Variants in PTPRN2 observed in about 807,000 individuals in gnomAD.
PTPRN2 encodes the protein protein tyrosine phosphatase receptor type N2, also known as receptor-type tyrosine-protein phosphatase N2.
A neutral mutation model predicts 118.8 loss-of-function variants in PTPRN2; 74 were observed. That is an observed-to-expected ratio of 0.62 (90% CI 0.52 to 0.76). The LOEUF (loss-of-function observed/expected upper bound fraction) is 0.76. Among genes scored for constraint, PTPRN2 ranks in the 30% least tolerant of loss-of-function variants. The pLI, the probability that PTPRN2 is intolerant of heterozygous loss-of-function variation, is 0.00. For missense variants in PTPRN2, 1,481 were observed against 1,394.4 expected (o/e 1.06, Z -0.99); for synonymous variants, 641 against 608.0 (o/e 1.05, Z -0.80).
intron 12 of PTPRN2, among the ~76,000 whole-genome samples, chr7:157,875,127 A>C (rs927370818): frequency 6.6e-6 from 1 of 152,184 alleles, no homozygotes; most frequent in Non-Finnish European, 1.5e-5. Context: ...ACAGCCGTAC[A>C]GGAAGTATGT....
intron 12 of PTPRN2, among the ~76,000 whole-genome samples, chr7:157,803,529 T>C (rs1805447394): frequency 6.6e-6 from 1 of 152,232 alleles, no homozygotes; most frequent in African/African-American, 2.4e-5. Context: ...GTCATCATGC[T>C]TCCCCCGTGT....
At chr7:157,968,717 G>T (rs1006316324) in intron 11 of PTPRN2, among the ~76,000 whole-genome samples, 1 of 152,104 alleles carries the variant, frequency 6.6e-6, no homozygotes, top group Non-Finnish European at 1.5e-5. Flanking sequence ...CAGCCTAGAA[G>T]GGTTTGTGTT....
chr7:158,540,676 C>T lies in PTPRN2; in HGVS notation c.112+46882G>A, dbSNP rs1001580687. On this transcript the variant is annotated intron_variant, in intron 1 of 22. Coordinates refer to ENST00000389418, the MANE Select transcript of PTPRN2 (RefSeq NM_002847.5). ...CTGGGGCTTCGGGCAGGGGTGGGGT[C>T]GCCCCAGGGCCCACCGTGTGTGTCT... is the stretch of plus-strand genomic sequence containing the variant. Among the ~76,000 whole-genome samples, 3 of 152,278 alleles carry T rather than the reference C, an allele frequency of 2.0e-5. No homozygotes were observed. In the South Asian group the frequency reaches 6.2e-4, roughly 32 times the overall value.
At chr7:157,685,010 G>A (rs1417694331) in intron 12 of PTPRN2, among the ~76,000 whole-genome samples, 2 of 151,898 alleles carry the variant, frequency 1.3e-5, no homozygotes, top group Non-Finnish European at 2.9e-5. Context: ...CTGCGGGGCC[G>A]CGTCCCCCGG....
At chr7:158,106,566 G>A (rs1470377358) in intron 10 of PTPRN2, among the ~76,000 whole-genome samples, 1 of 152,146 alleles carries the variant, frequency 6.6e-6, no homozygotes, top group Non-Finnish European at 1.5e-5. Flanking sequence ...GCCACTTTGG[G>A]AATATCCAAA....
intron 1 of PTPRN2, 141 bp from the exon 2 acceptor site, chr7:158,489,926 G>A (rs1297085897): frequency 7.6e-6 from 6 of 788,262 alleles, no homozygotes; most frequent in Non-Finnish European, 1.2e-5. Context: ...TCCGAGATGG[G>A]GCCGATTATT....
At chr7:158,290,701 T>C (rs967045036) in intron 3 of PTPRN2, among the ~76,000 whole-genome samples, 2 of 152,218 alleles carry the variant, frequency 1.3e-5, no homozygotes, top group African/African-American at 4.8e-5. Flanking sequence ...CTGCTAGGCC[T>C]GGGTGAGAGG....
chr7:158,270,480 A>C (rs1008577373), intron 3 of PTPRN2, among the ~76,000 whole-genome samples: 2 of 152,068 alleles, frequency 1.3e-5, no homozygotes, highest in African/African-American at 4.8e-5. Flanking sequence ...AGCCTCACTC[A>C]CTGGCCATAA....
At chr7:158,473,679 A>G (rs1213246086) in intron 2 of PTPRN2, among the ~76,000 whole-genome samples, 1 of 152,210 alleles carries the variant, frequency 6.6e-6, no homozygotes. Context: ...GAAAATCTAG[A>G]GTGATCTGAA....
chr7:158,148,617 TC>T (rs1820472625), intron 6 of PTPRN2, among the ~76,000 whole-genome samples: 1 of 133,454 alleles, frequency 7.5e-6, no homozygotes, highest in Admixed American at 7.4e-5. Context: ...CACGTGTCTT[TC>T]CCCCTCACTG....
At chr7:158,195,230 A>T (rs959630339) in intron 4 of PTPRN2, among the ~76,000 whole-genome samples, 1 of 152,044 alleles carries the variant, frequency 6.6e-6, no homozygotes, top group Non-Finnish European at 1.5e-5. Context: ...TTCTGGGTTG[A>T]TGTTTGTTTG....
intron 13 of PTPRN2, among the ~76,000 whole-genome samples, chr7:157,669,951 T>C (rs1384125777): frequency 2.0e-5 from 3 of 152,196 alleles, no homozygotes; most frequent in Non-Finnish European, 4.4e-5. Context: ...TTCTGTCTGC[T>C]TTCTGTACCC....
At chr7:158,031,922 G>C (rs1041652929) in intron 11 of PTPRN2, among the ~76,000 whole-genome samples, 18 of 152,328 alleles carry the variant, frequency 1.2e-4, no homozygotes, top group African/African-American at 4.3e-4. Flanking sequence ...GGCGCTCCGG[G>C]GGCCCGCGAG....
At chr7:157,661,441 C>T (rs1396949417) in intron 13 of PTPRN2, among the ~76,000 whole-genome samples, 2 of 152,236 alleles carry the variant, frequency 1.3e-5, no homozygotes, top group Non-Finnish European at 2.9e-5. Context: ...TGCCCGAAGG[C>T]GCTCTCCCTG....
At position 157,571,572 on chromosome 7, in the gene PTPRN2, G is replaced by GC. The variant is rs1563222808; in HGVS notation, c.2784-80dup. Reference sequence around the variant, plus strand: ...TCCAAAACAACTATTAAAACAAAGCGCAAGGTCTGTGTGTTTGAAATCATT... The same window carrying GC: ...TCCAAAACAACTATTAAAACAAAGCGCCAAGGTCTGTGTGTTTGAAATCATT... On this transcript the variant is annotated intron_variant, in intron 19 of 22. Coordinates refer to ENST00000389418, the MANE Select transcript of PTPRN2 (RefSeq NM_002847.5). 38 of 1,082,528 alleles carry GC rather than the reference G, an allele frequency of 3.5e-5. No individual in the cohort carries two copies. In the South Asian group the frequency reaches 5.3e-4, roughly 15 times the overall value. The allele number at this position is 1,082,528 out of a possible 1,614,324, so 67.1% of individuals were successfully genotyped here.
At chr7:158,328,689 C>T (rs560830372) in intron 2 of PTPRN2, among the ~76,000 whole-genome samples, 2 of 151,768 alleles carry the variant, frequency 1.3e-5, no homozygotes, top group South Asian at 4.2e-4. Context: ...CCAGGAGAGG[C>T]CAGCTTCCCT....
At chr7:157,847,668 A>C (rs1808948785) in intron 12 of PTPRN2, among the ~76,000 whole-genome samples, 1 of 146,128 alleles carries the variant, frequency 6.8e-6, no homozygotes, top group Admixed American at 6.9e-5. Context: ...TCACTCTGTC[A>C]TGCATGCCGG....
At chr7:158,028,466 GAAC>G (rs1435893025) in intron 11 of PTPRN2, 1 of 152,366 alleles carries the variant, frequency 6.6e-6, no homozygotes, top group African/African-American at 2.4e-5. Flanking sequence ...AGAGAGGAAA[GAAC>G]AACAAAATGA....
chr7:158,537,825 A>G (rs1263178459), intron 1 of PTPRN2, among the ~76,000 whole-genome samples: 2 of 152,194 alleles, frequency 1.3e-5, no homozygotes, highest in Non-Finnish European at 2.9e-5. Flanking sequence ...CTTTCAGCCT[A>G]TTTCTTATTT....
Sources: allele counts gnomAD v4.1 joint callset (sites outside exome capture counted in the v4.1 genomes callset), GRCh38; gene constraint gnomAD v4.1.1; transcripts MANE v1.5; gene names NCBI Gene and HGNC (gene_info 2026-07-23, HGNC 2026-07-21).